Variants in ANO2 observed in about 807,000 individuals in gnomAD.
The protein encoded by ANO2 is anoctamin 2.
Under a neutral mutation model 124.2 loss-of-function variants are expected in ANO2, and 101 were observed. The ratio of observed to expected loss-of-function variants is 0.81; its 90% CI spans 0.69 to 0.96. The LOEUF (loss-of-function observed/expected upper bound fraction) is 0.96. ANO2 is among the 40% of genes least tolerant of loss of function. The pLI is 0.00. For missense variants in ANO2, 1,293 were observed against 1,274.5 expected (o/e 1.01, Z -0.22); for synonymous variants, 486 against 482.5 (o/e 1.01, Z -0.09).
rs1950701704 is a variant in ANO2 at position 5,732,874 on chromosome 12, GT to G, written c.1435-245del. On this transcript the variant is annotated intron_variant, in intron 13 of 24. Transcript: ENST00000682330. ...CACACTGAAAACCAAACCTGGGCAC[GT>G]TCCTGGGGATAGCGCCGGTGTTGAG... 1.9e-6 allele frequency: 3 copies of G among 1,613,854 alleles called. No individual in the cohort carries two copies. In the African/African-American group the frequency reaches 4.0e-5, roughly 22 times the overall value.
rs997812104 is a variant in ANO2 at position 5,908,106 on chromosome 12, C to T, written c.534+12934G>A. 1.3e-5 allele frequency among the ~76,000 whole-genome samples: 2 copies of T among 152,240 alleles called. No homozygotes were observed. The highest frequency in any genetic ancestry group is 2.4e-5 in the African/African-American group (1 of 41,474). On this transcript the variant is annotated intron_variant, in intron 3 of 24. Coordinates refer to ENST00000682330, the MANE Select transcript of ANO2 (RefSeq NM_001364791.2). The surrounding 1 kb of genome is among the most constrained non-coding windows in gnomAD (Gnocchi z 4.7). ...AGCAAACCCACACCAGCTCCGAGGACCCTGGGGCTTCCACTCTGAAGCCTT... is the reference window on the plus strand; with the variant it reads ...AGCAAACCCACACCAGCTCCGAGGATCCTGGGGCTTCCACTCTGAAGCCTT...
Position 5,923,243 on chromosome 12 carries a change from C to T in ANO2, c.23-439G>A, listed in dbSNP as rs12816925. 9.7e-4 allele frequency among the ~76,000 whole-genome samples: 135 copies of T among 139,288 alleles called. 8 individuals are homozygous for T. The highest frequency in any genetic ancestry group is 3.5e-3 in the African/African-American group (120 of 34,566). 91.4% of individuals were successfully genotyped at this position (139,288 alleles called of 152,430 possible). On this transcript the variant is annotated intron_variant, in intron 1 of 24. Coordinates refer to ENST00000682330, the MANE Select transcript of ANO2 (RefSeq NM_001364791.2). ...ACACACACATGCACACATACACACACGCATACACACACATACACACACACA... is the reference window on the plus strand; with the variant it reads ...ACACACACATGCACACATACACACATGCATACACACACATACACACACACA...
At chr12:5,646,406 C>T (rs1263909899) in intron 15 of ANO2, among the ~76,000 whole-genome samples, 1 of 152,168 alleles carries the variant, frequency 6.6e-6, no homozygotes, top group African/African-American at 2.4e-5. Context: ...TCCTAACCTA[C>T]TACTACTGGA....
intron 14 of ANO2, among the ~76,000 whole-genome samples, chr12:5,673,584 T>C (rs1948109643): frequency 6.6e-6 from 1 of 152,244 alleles, no homozygotes; most frequent in Non-Finnish European, 1.5e-5. Flanking sequence ...GCTTGGTTCA[T>C]AGTAGCCACT....
chr12:5,705,989 C>A (rs748503602), intron 14 of ANO2, among the ~76,000 whole-genome samples: 1 of 152,150 alleles, frequency 6.6e-6, no homozygotes, highest in Non-Finnish European at 1.5e-5. Flanking sequence ...AGGGTTCAAG[C>A]TCTTTCTAGG....
chr12:5,589,858 T>C (rs1018172285), intron 20 of ANO2, among the ~76,000 whole-genome samples: 2 of 151,828 alleles, frequency 1.3e-5, no homozygotes, highest in Non-Finnish European at 2.9e-5. Context: ...CCACAGGACA[T>C]GGAGAAGGAC....
At chr12:5,629,655 G>A (rs1250060132) in intron 16 of ANO2, among the ~76,000 whole-genome samples, 1 of 152,062 alleles carries the variant, frequency 6.6e-6, no homozygotes, top group Non-Finnish European at 1.5e-5. Flanking sequence ...TCCCCTCCTG[G>A]AGTGAATGGA....
intron 4 of ANO2, among the ~76,000 whole-genome samples, chr12:5,845,540 C>A (rs1240956265): frequency 1.4e-5 from 2 of 148,134 alleles, no homozygotes; most frequent in East Asian, 3.9e-4. Flanking sequence ...GCACTCCAGC[C>A]TGGGCGACAG....
intron 13 of ANO2, among the ~76,000 whole-genome samples, chr12:5,736,484 G>A (rs1591544258): frequency 1.3e-5 from 2 of 152,276 alleles, no homozygotes; most frequent in East Asian, 3.9e-4. Flanking sequence ...CCTGATACTG[G>A]GAGGTGTCTG....
At chr12:5,739,209 C>T in intron 13 of ANO2, 108 bp downstream of exon 13, 1 of 1,080,382 alleles carries the variant, frequency 9.3e-7, no homozygotes, top group South Asian at 1.3e-5. Flanking sequence ...GAGATCCAGC[C>T]AGTGACAGCA....
chr12:5,600,936 C>A (rs190511624), intron 19 of ANO2, among the ~76,000 whole-genome samples: 105 of 152,262 alleles, frequency 6.9e-4, no homozygotes, highest in Non-Finnish European at 1.6e-4. Flanking sequence ...TTTGAAAGTG[C>A]CTCTAACAGC....
intron 14 of ANO2, among the ~76,000 whole-genome samples, chr12:5,715,816 A>G (rs1405521260): frequency 6.6e-6 from 1 of 152,232 alleles, no homozygotes; most frequent in Non-Finnish European, 1.5e-5. Flanking sequence ...GCTTCTGGTA[A>G]TCTATCCACC....
chr12:5,739,199 G>T, intron 13 of ANO2, 118 bp downstream of exon 13: 1 of 998,876 alleles, frequency 1.0e-6, no homozygotes, highest in Non-Finnish European at 1.5e-6. Flanking sequence ...CAGCCACTGT[G>T]AGATCCAGCC....
At chr12:5,693,799 G>A (rs1591924755) in intron 14 of ANO2, among the ~76,000 whole-genome samples, 1 of 151,994 alleles carries the variant, frequency 6.6e-6, no homozygotes, top group Admixed American at 6.6e-5. Context: ...TCCTCTGCCC[G>A]GATTCCTTTC....
At chr12:5,860,770 G>A (rs1955244029) in intron 3 of ANO2, among the ~76,000 whole-genome samples, 1 of 152,156 alleles carries the variant, frequency 6.6e-6, no homozygotes, top group Non-Finnish European at 1.5e-5. Flanking sequence ...CACCACATTT[G>A]CAGACCGCCG....
chr12:5,739,864 T>C lies in ANO2; in HGVS notation c.1352-465A>G, dbSNP rs769414099. On this transcript the variant is annotated intron_variant, in intron 12 of 24. Coordinates refer to ENST00000682330, the MANE Select transcript of ANO2 (RefSeq NM_001364791.2). ...GCCACTTGCCTCATTTGGGCCCTAATCATCTCATTCTGAGGTTACATAACA... is the reference window on the plus strand; with the variant it reads ...GCCACTTGCCTCATTTGGGCCCTAACCATCTCATTCTGAGGTTACATAACA... The C allele has an allele frequency of 1.2e-4, 55 of 456,344 alleles. 2 individuals carry two copies. The highest frequency in any genetic ancestry group is 8.2e-4 in the South Asian group (53 of 64,526). 28.3% of individuals were successfully genotyped at this position (456,344 alleles called of 1,614,324 possible).
At chr12:5,625,034 T>A (rs938464038) in intron 16 of ANO2, among the ~76,000 whole-genome samples, 1 of 151,908 alleles carries the variant, frequency 6.6e-6, no homozygotes, top group African/African-American at 2.4e-5. Flanking sequence ...CTGAGCCTGG[T>A]GGAAGTACTG....
rs969429591 is a variant in ANO2 at position 5,636,212 on chromosome 12, A to G, written c.1621-865T>C. Among the ~76,000 whole-genome samples the G allele has an allele frequency of 3.9e-5, 6 of 152,100 alleles. No individual in the cohort carries two copies. Among genetic ancestry groups the G allele is most frequent in the African/African-American group, 1.4e-4 (6 of 41,418 alleles). ...TAAGAATAAGAAGGGACTCTCTTAG[A>G]CCTAGATCTGCCCAACAGCCCCTCT... is the stretch of plus-strand genomic sequence containing the variant. On this transcript the variant is annotated intron_variant, in intron 15 of 24. Transcript: ENST00000682330. This position sits in a 1 kb window ranked among gnomAD's most constrained non-coding sequence, Gnocchi z 4.6.
At chr12:5,847,481 T>C (rs1954719881) in intron 4 of ANO2, among the ~76,000 whole-genome samples, 1 of 139,992 alleles carries the variant, frequency 7.1e-6, no homozygotes, top group South Asian at 2.4e-4. Flanking sequence ...GTGTGTGTCC[T>C]GTTGGTTCTG....
Sources: gnomAD v4.1 joint callset for allele counts (sites outside exome capture counted in the v4.1 genomes callset) on GRCh38, gnomAD v4.1.1 for gene constraint, Gnocchi (gnomAD v3.1) non-coding constraint, MANE v1.5 for transcripts, NCBI Gene and HGNC (gene_info 2026-07-23, HGNC 2026-07-21) for gene names.